GRM7: variants seen among roughly 807,000 people sequenced by gnomAD.
GRM7 encodes the protein metabotropic glutamate receptor 7.
GRM7 carries 35 observed loss-of-function variants against 84.5 expected under a neutral mutation model. The observed-to-expected ratio is 0.41, with a 90% CI of 0.32 to 0.55. The LOEUF (loss-of-function observed/expected upper bound fraction) is 0.55, where lower values mean the gene tolerates loss of function less well. Among genes scored for constraint, GRM7 ranks in the 20% least tolerant of loss-of-function variants. The pLI, the probability that GRM7 is intolerant of heterozygous loss-of-function variation, is 0.19. For missense variants in GRM7, 1,003 were observed against 1,194.6 expected (o/e 0.84, Z 2.36); for synonymous variants, 487 against 455.1 (o/e 1.07, Z -0.89).
intron 4 of GRM7, among the ~76,000 whole-genome samples, chr3:7,354,035 A>G (rs915912460): frequency 2.0e-5 from 3 of 152,084 alleles, no homozygotes; most frequent in Admixed American, 1.3e-4. Context: ...AAAAACAGAG[A>G]ATTTTTAGTG....
At chr3:7,394,296 G>A (rs886345430) in intron 4 of GRM7, among the ~76,000 whole-genome samples, 6 of 152,176 alleles carry the variant, frequency 3.9e-5, no homozygotes, top group African/African-American at 1.4e-4. Context: ...GATTCACACA[G>A]CATTTCTTCT....
At chr3:7,478,818 C>G (rs2124933556) in intron 7 of GRM7, among the ~76,000 whole-genome samples, 1 of 152,266 alleles carries the variant, frequency 6.6e-6, no homozygotes, top group South Asian at 2.1e-4. Context: ...CCATCTCCCC[C>G]CAGGCATGCA....
chr3:7,442,862 T>C (rs915451388), intron 5 of GRM7, among the ~76,000 whole-genome samples: 1 of 152,140 alleles, frequency 6.6e-6, no homozygotes, highest in African/African-American at 2.4e-5. Context: ...TGTTGTATAA[T>C]TATTTATATC....
chr3:7,074,137 A>C (rs1160095838), intron 1 of GRM7, among the ~76,000 whole-genome samples: 3 of 152,346 alleles, frequency 2.0e-5, no homozygotes, highest in African/African-American at 7.2e-5. Context: ...AATATTTTTC[A>C]TGTGTTCTCA....
At chr3:7,672,601 C>CTT (rs773468950) in intron 8 of GRM7, among the ~76,000 whole-genome samples, 43 of 116,972 alleles carry the variant, frequency 3.7e-4, no homozygotes, top group African/African-American at 6.2e-4. Context: ...TTTTAATATA[C>CTT]TTTTTTTTTT....
intron 7 of GRM7, among the ~76,000 whole-genome samples, chr3:7,471,345 G>C (rs1224625951): frequency 1.3e-5 from 2 of 152,056 alleles, no homozygotes; most frequent in African/African-American, 4.8e-5. Flanking sequence ...TTCTTTCTTT[G>C]TTTCCCTTTT....
chr3:7,685,201 T>C (rs1700531281), intron 9 of GRM7, among the ~76,000 whole-genome samples: 2 of 152,192 alleles, frequency 1.3e-5, no homozygotes, highest in Admixed American at 1.3e-4. Context: ...TTTATTGGGA[T>C]GGGCGGATAA....
chr3:7,335,311 T>A (rs1291562419), intron 4 of GRM7, among the ~76,000 whole-genome samples: 1 of 152,090 alleles, frequency 6.6e-6, no homozygotes, highest in African/African-American at 2.4e-5. Context: ...TCCTGAATGA[T>A]CTTTGGGTCA....
chr3:7,653,954 G>A (rs567120762), intron 8 of GRM7, among the ~76,000 whole-genome samples: 42 of 152,226 alleles, frequency 2.8e-4, no homozygotes, highest in African/African-American at 9.9e-4. Context: ...TGGCACCCCT[G>A]CTACTCCCTT....
At chr3:7,136,882 C>T (rs1693790564) in intron 1 of GRM7, among the ~76,000 whole-genome samples, 1 of 152,016 alleles carries the variant, frequency 6.6e-6, no homozygotes, top group South Asian at 2.1e-4. Context: ...GATAATGATA[C>T]AGATAATTGT....
At chr3:7,661,822 G>GAAAAAAAAA (rs1699466009) in intron 8 of GRM7, among the ~76,000 whole-genome samples, 1 of 53,296 alleles carries the variant, frequency 1.9e-5, no homozygotes, top group African/African-American at 5.4e-5. Flanking sequence ...AAAAAAAAAT[G>GAAAAAAAAA]TAAAATGCTA....
chr3:6,920,682 C>T (rs776417218), intron 1 of GRM7, among the ~76,000 whole-genome samples: 9 of 152,146 alleles, frequency 5.9e-5, no homozygotes, highest in Non-Finnish European at 1.2e-4. Context: ...AATCCCCAGC[C>T]TGTTTTCATT....
intron 4 of GRM7, among the ~76,000 whole-genome samples, chr3:7,338,651 C>T (rs1701519540): frequency 1.3e-5 from 2 of 152,086 alleles, no homozygotes; most frequent in Admixed American, 1.3e-4. Flanking sequence ...TTGAAGTTCA[C>T]ACCATGGATG....
At chr3:7,106,035 TGGGG>T (rs1192501702) in intron 1 of GRM7, among the ~76,000 whole-genome samples, 1 of 151,898 alleles carries the variant, frequency 6.6e-6, no homozygotes, top group Non-Finnish European at 1.5e-5. Context: ...CAAAAACTGT[TGGGG>T]GTACATAGAC....
intron 1 of GRM7, among the ~76,000 whole-genome samples, chr3:7,035,290 C>T (rs2124932666): frequency 6.6e-6 from 1 of 152,220 alleles, no homozygotes; most frequent in African/African-American, 2.4e-5. Flanking sequence ...GGGTTTCTTC[C>T]TGCTCAATTA....
intron 1 of GRM7, among the ~76,000 whole-genome samples, chr3:6,960,136 T>A (rs902811191): frequency 1.3e-5 from 2 of 152,198 alleles, no homozygotes; most frequent in African/African-American, 4.8e-5. Context: ...ACCTTTCTTT[T>A]AAGGGAAGCT....
At chr3:7,567,169 G>T (rs1440205177) in intron 7 of GRM7, among the ~76,000 whole-genome samples, 1 of 152,132 alleles carries the variant, frequency 6.6e-6, no homozygotes. Context: ...GGCATTTTAA[G>T]TTGTTTAACC....
intron 1 of GRM7, among the ~76,000 whole-genome samples, chr3:6,955,294 G>T (rs948335144): frequency 6.6e-6 from 1 of 152,138 alleles, no homozygotes; most frequent in African/African-American, 2.4e-5. Flanking sequence ...CCAGCACTTT[G>T]GGAGGCCGAT....
chr3:7,594,938 CTGTGTGTG>C (rs3840238), intron 8 of GRM7, among the ~76,000 whole-genome samples: 1 of 150,008 alleles, frequency 6.7e-6, no homozygotes. Flanking sequence ...GTCTTCCTTT[CTGTGTGTG>C]TGTGTGTGTG....
Sources: gnomAD v4.1 joint callset for allele counts (sites outside exome capture counted in the v4.1 genomes callset) on GRCh38, gnomAD v4.1.1 for gene constraint, MANE v1.5 for transcripts, NCBI Gene and HGNC (gene_info 2026-07-23, HGNC 2026-07-21) for gene names.